The following PTPRT variants were observed in gnomAD, a reference collection of about 807,000 sequenced individuals.
PTPRT encodes receptor-type tyrosine-protein phosphatase T.
In PTPRT, 56 loss-of-function variants were observed where a neutral mutation model predicts 176.8. The observed-to-expected ratio is 0.32, with a 90% confidence interval of 0.26 to 0.40. PTPRT has a LOEUF of 0.40. Ranked by LOEUF, PTPRT falls within the 10% of genes least tolerant of loss-of-function variation. The pLI, the probability that PTPRT is intolerant of heterozygous loss-of-function variation, is 1.00. For synonymous variants in PTPRT, 783 were observed against 739.0 expected, an observed-to-expected ratio of 1.06 and a Z score of -0.96; for missense variants, 1,540 against 1,908.2, an observed-to-expected ratio of 0.81 and a Z score of 3.60.
At chr20:42,597,435 T>C (rs2073691388) in intron 7 of PTPRT, among the ~76,000 whole-genome samples, 1 of 152,186 alleles carries the variant, frequency 6.6e-6, no homozygotes, top group South Asian at 2.1e-4. Flanking sequence ...TGTTTACTTG[T>C]AATCCCAATG....
At chr20:42,768,625 G>A (rs1488022315) in intron 5 of PTPRT, among the ~76,000 whole-genome samples, 1 of 152,188 alleles carries the variant, frequency 6.6e-6, no homozygotes, top group Non-Finnish European at 1.5e-5. Flanking sequence ...CCACCAGTTA[G>A]TAACGTGTGC....
At chr20:42,399,532 C>A (rs1316663282) in intron 9 of PTPRT, among the ~76,000 whole-genome samples, 1 of 152,156 alleles carries the variant, frequency 6.6e-6, no homozygotes, top group Non-Finnish European at 1.5e-5. Flanking sequence ...ACTCCTAGAG[C>A]CCACAGAGGA....
intron 2 of PTPRT, among the ~76,000 whole-genome samples, chr20:42,848,113 T>C (rs1309304272): frequency 1.3e-5 from 2 of 152,202 alleles, no homozygotes; most frequent in Non-Finnish European, 2.9e-5. Flanking sequence ...TTCCTTCACT[T>C]AGGATAATGG....
chr20:43,076,928 G>A (rs976901478), intron 1 of PTPRT, among the ~76,000 whole-genome samples: 5 of 152,194 alleles, frequency 3.3e-5, no homozygotes, highest in African/African-American at 1.2e-4. Context: ...CTCCCAATGG[G>A]ACTTCTTGTC....
intron 9 of PTPRT, among the ~76,000 whole-genome samples, chr20:42,432,061 T>C (rs528318110): frequency 6.6e-6 from 1 of 152,150 alleles, no homozygotes. Flanking sequence ...GCATGGCTCA[T>C]AGGATGAGGA....
chr20:42,484,979 G>A (rs933119197), intron 7 of PTPRT, among the ~76,000 whole-genome samples: 5 of 152,224 alleles, frequency 3.3e-5, no homozygotes, highest in Non-Finnish European at 7.3e-5. Context: ...CCCCTGGACT[G>A]TGGCTGAGCC....
At chr20:42,365,042 AAAAAAGGC>A (rs1198447273) in intron 9 of PTPRT, among the ~76,000 whole-genome samples, 1 of 152,220 alleles carries the variant, frequency 6.6e-6, no homozygotes, top group East Asian at 1.9e-4. Context: ...CCACATGGGG[AAAAAAGGC>A]AAAGAGAAGC....
chr20:42,137,468 C>T (rs1284566505), intron 18 of PTPRT, among the ~76,000 whole-genome samples: 2 of 152,154 alleles, frequency 1.3e-5, no homozygotes, highest in Admixed American at 6.5e-5. Flanking sequence ...AACACATTCT[C>T]CCCCAGGAAC....
chr20:42,351,729 C>G (rs1160504381), intron 10 of PTPRT, among the ~76,000 whole-genome samples: 4 of 151,806 alleles, frequency 2.6e-5, no homozygotes, highest in African/African-American at 9.7e-5. Context: ...TCAGGTATTT[C>G]ATGAGAACCT....
intron 12 of PTPRT, among the ~76,000 whole-genome samples, chr20:42,311,396 A>T (rs1032777596): frequency 2.6e-5 from 4 of 152,128 alleles, no homozygotes; most frequent in Non-Finnish European, 4.4e-5. Flanking sequence ...AACCATCCTT[A>T]ACATCCATAG....
chr20:42,718,509 C>T (rs577805407), intron 6 of PTPRT, among the ~76,000 whole-genome samples: 1 of 151,960 alleles, frequency 6.6e-6, no homozygotes, highest in Admixed American at 6.5e-5. Context: ...TGCACTCCAG[C>T]CTGGGAGACA....
rs536243496 is a variant in PTPRT, at chr20:42,210,299, G to A, written c.2343-10911C>T. 5.3e-4 allele frequency among the ~76,000 whole-genome samples: 81 copies of A among 152,244 alleles called. 1 individual carries two copies. The highest frequency in any genetic ancestry group is 8.4e-4 in the Non-Finnish European group (57 of 68,030). On this transcript the variant is annotated intron_variant, in intron 15 of 30. Transcript: ENST00000373187. ...CACAGTGTTGGAAGTTCTGGCCAGGGCAATGAGGCAGGAGAAGGAAATAAA... is the reference window on the plus strand; with the variant it reads ...CACAGTGTTGGAAGTTCTGGCCAGGACAATGAGGCAGGAGAAGGAAATAAA...
intron 1 of PTPRT, among the ~76,000 whole-genome samples, chr20:42,901,466 C>G (rs2079402727): frequency 6.6e-6 from 1 of 152,036 alleles, no homozygotes; most frequent in Non-Finnish European, 1.5e-5. Flanking sequence ...TTGTGTATGT[C>G]CACACTGATA....
At chr20:42,424,153 T>C (rs1452724278) in intron 9 of PTPRT, among the ~76,000 whole-genome samples, 1 of 152,238 alleles carries the variant, frequency 6.6e-6, no homozygotes, top group Admixed American at 6.5e-5. Flanking sequence ...TTTTATTTTT[T>C]ATTTTTTGGC....
chr20:42,880,908 G>T (rs1039868082), intron 2 of PTPRT, among the ~76,000 whole-genome samples: 1 of 152,216 alleles, frequency 6.6e-6, no homozygotes, highest in Non-Finnish European at 1.5e-5. Context: ...GTAGGTGTGT[G>T]TAACATTCAA....
chr20:42,906,732 C>A (rs370790727), intron 1 of PTPRT, among the ~76,000 whole-genome samples: 2 of 152,186 alleles, frequency 1.3e-5, no homozygotes, highest in East Asian at 1.9e-4. Flanking sequence ...CATCACACAC[C>A]CTGTGAGGGG....
chr20:42,589,217 G>A (rs181848221), intron 7 of PTPRT, among the ~76,000 whole-genome samples: 1 of 152,240 alleles, frequency 6.6e-6, no homozygotes, highest in Admixed American at 6.5e-5. Context: ...CACTCAACAG[G>A]GTCTTTATGG....
intron 6 of PTPRT, among the ~76,000 whole-genome samples, chr20:42,684,994 G>C (rs529308817): frequency 1.3e-5 from 2 of 152,214 alleles, no homozygotes; most frequent in East Asian, 3.9e-4. Context: ...AACTTTATGG[G>C]TGGGTAGATA....
intron 2 of PTPRT, among the ~76,000 whole-genome samples, chr20:42,819,458 T>C (rs1444746372): frequency 6.6e-6 from 1 of 152,106 alleles, no homozygotes; most frequent in African/African-American, 2.4e-5. Flanking sequence ...TACTAAAATA[T>C]AAAGACCAAT....
Sources: allele counts gnomAD v4.1 joint callset (sites outside exome capture counted in the v4.1 genomes callset), GRCh38; gene constraint gnomAD v4.1.1; transcripts MANE v1.5; gene names NCBI Gene and HGNC (gene_info 2026-07-23, HGNC 2026-07-21).